The following RUNX1 variants were observed in gnomAD, a reference collection of about 807,000 sequenced individuals.
The protein encoded by RUNX1 is runt-related transcription factor 1.
Under a neutral mutation model 42.8 loss-of-function variants are expected in RUNX1, and 19 were observed. That is an observed-to-expected ratio of 0.44 (90% confidence interval 0.31 to 0.65). RUNX1 has a LOEUF of 0.65. Ranked by LOEUF, RUNX1 falls within the 30% of genes least tolerant of loss-of-function variation. RUNX1 has a pLI of 0.07. For synonymous variants in RUNX1, 271 were observed against 289.4 expected, an observed-to-expected ratio of 0.94 and a Z score of 0.64; for missense variants, 528 against 672.0, an observed-to-expected ratio of 0.79 and a Z score of 2.37.
At chr21:34,872,345 C>G (rs1012476543) in intron 5 of RUNX1, among the ~76,000 whole-genome samples, 4 of 152,136 alleles carry the variant, frequency 2.6e-5, no homozygotes, top group African/African-American at 7.2e-5. Context: ...GGAGCCTTCT[C>G]GGAGAAGCTG....
rs767418895 is a variant in RUNX1, at chr21:34,834,621, G to C, written c.614-20C>G. On this transcript the variant is annotated intron_variant, in intron 6 of 8. Transcript: ENST00000675419. ...GATGTCCTATTGTGGGGAGCAGGGA[G>C]GGGAGGGGATGGGGGGAGGGAAGGA... 2.5e-6 allele frequency: 4 copies of C among 1,582,002 alleles called. No individual in the cohort carries two copies. The highest frequency in any genetic ancestry group is 1.7e-5 in the Admixed American group (1 of 59,818).
chr21:35,048,992 C>G, intron 1 of RUNX1, 34 bp from the exon 2 acceptor site: 1 of 1,020,214 alleles, frequency 9.8e-7, no homozygotes, highest in East Asian at 2.4e-5. Flanking sequence ...GTCACTGTTT[C>G]AGCCTCACCC....
chr21:34,892,792 C>A, intron 3 of RUNX1, 133 bp downstream of exon 3: 5 of 630,050 alleles, frequency 7.9e-6, no homozygotes, highest in Non-Finnish European at 1.1e-5. Flanking sequence ...ATATTGGAAT[C>A]AGCAGAAACA....
chr21:34,955,414 T>C (rs996183241), intron 2 of RUNX1, among the ~76,000 whole-genome samples: 4 of 152,072 alleles, frequency 2.6e-5, no homozygotes, highest in Non-Finnish European at 5.9e-5. Flanking sequence ...CACACTGTGG[T>C]GTAGAATAAC....
At chr21:34,986,614 G>C (rs1427939623) in intron 2 of RUNX1, among the ~76,000 whole-genome samples, 1 of 150,146 alleles carries the variant, frequency 6.7e-6, no homozygotes, top group African/African-American at 2.5e-5. Context: ...TATAAGAAGA[G>C]GAGAAGACAC....
At position 35,049,198 on chromosome 21, in the gene RUNX1, G is replaced by A; in HGVS notation, c.-90C>T. 1 of 425,058 alleles carries A rather than the reference G, an allele frequency of 2.4e-6. No individual in the cohort carries two copies. Among genetic ancestry groups the A allele is most frequent in the Non-Finnish European group, 4.3e-6 (1 of 230,396 alleles). 26.3% of individuals were successfully genotyped at this position (425,058 alleles called of 1,614,324 possible). On this transcript the variant is annotated 5_prime_UTR_variant, in exon 1 of 9. Transcript: ENST00000675419. ...TGCGAAACCCTGTGGTTTGCATTCA[G>A]TGTGATTCGTCCTGCCTGCTGACCA...
chr21:34,852,103 G>A (rs2146195986), intron 6 of RUNX1, among the ~76,000 whole-genome samples: 1 of 152,300 alleles, frequency 6.6e-6, no homozygotes, highest in South Asian at 2.1e-4. Context: ...AGGAGGTGGA[G>A]GTTGCAGTGA....
At chr21:34,970,786 T>C (rs1427433940) in intron 2 of RUNX1, among the ~76,000 whole-genome samples, 2 of 152,188 alleles carry the variant, frequency 1.3e-5, no homozygotes, top group Non-Finnish European at 2.9e-5. Flanking sequence ...TGGCCTTATG[T>C]AGCAAGAGGT....
At chr21:34,867,244 AAAAAT>A (rs1208125731) in intron 5 of RUNX1, among the ~76,000 whole-genome samples, 2 of 151,890 alleles carry the variant, frequency 1.3e-5, no homozygotes, top group African/African-American at 2.4e-5. Flanking sequence ...CAAAAATATA[AAAAAT>A]AAAATAAAAT....
chr21:34,916,222 C>T (rs2058311018), intron 2 of RUNX1, among the ~76,000 whole-genome samples: 1 of 152,198 alleles, frequency 6.6e-6, no homozygotes, highest in Non-Finnish European at 1.5e-5. Flanking sequence ...GGCTGCATTA[C>T]AGCTGCTATA....
chr21:34,889,736 A>G (rs2146436937), intron 3 of RUNX1: 1 of 1,174,688 alleles, frequency 8.5e-7, no homozygotes, highest in Non-Finnish European at 1.1e-6. Flanking sequence ...TGCTGCGGGC[A>G]TTTTCGCGGA....
chr21:34,855,229 T>G (rs566610373), intron 6 of RUNX1, among the ~76,000 whole-genome samples: 149 of 152,196 alleles, frequency 9.8e-4, no homozygotes, highest in South Asian at 1.5e-3. Context: ...CAACCTCTCC[T>G]TGGCAAAATA....
chr21:34,908,582 G>T (rs549204415), intron 2 of RUNX1, among the ~76,000 whole-genome samples: 3 of 152,128 alleles, frequency 2.0e-5, no homozygotes, highest in Non-Finnish European at 2.9e-5. Context: ...GGACAGGGGG[G>T]TCGGGGGAGG....
chr21:34,978,659 T>C (rs1194853669), intron 2 of RUNX1, among the ~76,000 whole-genome samples: 1 of 152,174 alleles, frequency 6.6e-6, no homozygotes, highest in East Asian at 1.9e-4. Flanking sequence ...ACGAAACTTT[T>C]CAACATTTGC....
intron 2 of RUNX1, among the ~76,000 whole-genome samples, chr21:35,014,333 T>G (rs566552961): frequency 6.6e-6 from 1 of 152,258 alleles, no homozygotes; most frequent in South Asian, 2.1e-4. Context: ...AATTAAACAA[T>G]GAAACATCCT....
intron 2 of RUNX1, among the ~76,000 whole-genome samples, chr21:34,990,978 G>A (rs2058932809): frequency 6.6e-6 from 1 of 152,300 alleles, no homozygotes; most frequent in African/African-American, 2.4e-5. Flanking sequence ...CTCTGTTCAT[G>A]AGGAGAATGC....
rs78748751 is a variant in RUNX1 at position 34,935,690 on chromosome 21, A to T, written c.59-42727T>A. ...GGAGAGCTATGCTGTGTATTGTAGG[A>T]TGTTTTGGCTCATCCCTAACCCCTA... On this transcript the variant is annotated intron_variant, in intron 2 of 8. Coordinates refer to ENST00000675419, the MANE Select transcript of RUNX1 (RefSeq NM_001754.5). Among the ~76,000 whole-genome samples the T allele has an allele frequency of 2.7e-4, 41 of 151,736 alleles. No homozygotes were observed. In the East Asian group the frequency reaches 8.0e-3, roughly 29 times the overall value.
At chr21:34,884,556 G>A (rs764587480) in intron 4 of RUNX1, among the ~76,000 whole-genome samples, 23 of 152,254 alleles carry the variant, frequency 1.5e-4, no homozygotes, top group Admixed American at 7.2e-4. Context: ...TGGTTGGGTG[G>A]GCAGATAGAG....
At chr21:34,927,708 G>C (rs1032000871) in intron 2 of RUNX1, among the ~76,000 whole-genome samples, 1 of 152,196 alleles carries the variant, frequency 6.6e-6, no homozygotes, top group African/African-American at 2.4e-5. Flanking sequence ...TAATGGTACT[G>C]TTAGTATAGA....
Sources: allele counts gnomAD v4.1 joint callset (sites outside exome capture counted in the v4.1 genomes callset), GRCh38; gene constraint gnomAD v4.1.1; transcripts MANE v1.5; gene names NCBI Gene and HGNC (gene_info 2026-07-23, HGNC 2026-07-21).